Variants in ZSWIM5 observed in about 807,000 individuals in gnomAD.
The protein encoded by ZSWIM5 is zinc finger SWIM domain-containing protein 5.
ZSWIM5 carries 55 observed loss-of-function variants against 119.6 expected under a neutral mutation model. The observed-to-expected ratio is 0.46, with a 90% confidence interval of 0.37 to 0.58. The LOEUF (loss-of-function observed/expected upper bound fraction) is 0.58, where lower values mean the gene tolerates loss of function less well. Ranked by LOEUF, ZSWIM5 falls within the 20% of genes least tolerant of loss-of-function variation. The pLI is 0.00. For missense variants in ZSWIM5, 1,193 were observed against 1,512.8 expected (o/e 0.79, Z 3.51); for synonymous variants, 537 against 606.9 (o/e 0.88, Z 1.69).
At chr1:45,182,635 A>G (rs1443269166) in intron 1 of ZSWIM5, among the ~76,000 whole-genome samples, 2 of 152,154 alleles carry the variant, frequency 1.3e-5, no homozygotes, top group Non-Finnish European at 2.9e-5. Flanking sequence ...ACCAACAAAG[A>G]TCAAAAGAGA....
At position 45,206,238 on chromosome 1, in the gene ZSWIM5, C is replaced by A. The variant is rs538704614; in HGVS notation, c.113G>T (p.Gly38Val). Reference sequence around the variant, plus strand: ...GCCCCCTGCCCCTCCGCCGGCTGCCCCAGGCGAACCGCGAGGGTGATGAGC... The same window carrying A: ...GCCCCCTGCCCCTCCGCCGGCTGCCACAGGCGAACCGCGAGGGTGATGAGC... ...PQAHHPRGSP[G>V]AAGGGAGGVG... Residue 38 changes from glycine to valine, a missense_variant, in exon 1 of 14, where the codon GGG becomes GTG. Physicochemically the swap from Gly to Val is moderately radical, Grantham distance 109. Transcript: ENST00000359600. 7 of 1,584,276 alleles carry A rather than the reference C, an allele frequency of 4.4e-6. No individual in the cohort carries two copies. Among genetic ancestry groups the A allele is most frequent in the East Asian group, 4.6e-5 (2 of 43,406 alleles).
At chr1:45,180,827 CT>C (rs1455105730) in intron 1 of ZSWIM5, among the ~76,000 whole-genome samples, 8 of 152,130 alleles carry the variant, frequency 5.3e-5, no homozygotes, top group African/African-American at 1.9e-4. Flanking sequence ...CAAACAGGGT[CT>C]GGAGTGGACC....
chr1:45,040,182 T>A (rs1645010863), intron 7 of ZSWIM5, among the ~76,000 whole-genome samples: 1 of 152,216 alleles, frequency 6.6e-6, no homozygotes, highest in African/African-American at 2.4e-5. Flanking sequence ...CAGATCTTAA[T>A]GAGCCTTCTA....
chr1:45,202,219 T>C (rs1033438556), intron 1 of ZSWIM5, among the ~76,000 whole-genome samples: 1 of 152,084 alleles, frequency 6.6e-6, no homozygotes, highest in Non-Finnish European at 1.5e-5. Flanking sequence ...GTTTTTTCAA[T>C]GTAGATATCT....
At chr1:45,183,323 A>T (rs1169544923) in intron 1 of ZSWIM5, among the ~76,000 whole-genome samples, 1 of 151,896 alleles carries the variant, frequency 6.6e-6, no homozygotes, top group Non-Finnish European at 1.5e-5. Context: ...ACACCCTAAC[A>T]TCACAATTAA....
At chr1:45,121,468 T>C (rs528017337) in intron 1 of ZSWIM5, among the ~76,000 whole-genome samples, 3 of 152,334 alleles carry the variant, frequency 2.0e-5, no homozygotes, top group South Asian at 4.1e-4. Context: ...TCCAAACCCA[T>C]GTAACCAACT....
chr1:45,048,807 G>A (rs1412567236), intron 5 of ZSWIM5, among the ~76,000 whole-genome samples: 1 of 152,182 alleles, frequency 6.6e-6, no homozygotes, highest in African/African-American at 2.4e-5. Context: ...GGTCATCTAT[G>A]TGGCTACTGA....
intron 1 of ZSWIM5, among the ~76,000 whole-genome samples, chr1:45,096,883 G>A (rs1645406632): frequency 6.6e-6 from 1 of 152,140 alleles, no homozygotes; most frequent in Admixed American, 6.5e-5. Context: ...ATAAACACCT[G>A]CTATTATAAG....
At chr1:45,052,711 T>C (rs1645096308) in intron 4 of ZSWIM5, among the ~76,000 whole-genome samples, 1 of 148,556 alleles carries the variant, frequency 6.7e-6, no homozygotes, top group African/African-American at 2.5e-5. Context: ...AGGTGGAAGT[T>C]ACAGTGAGCC....
chr1:45,179,029 A>T (rs909093726), intron 1 of ZSWIM5, among the ~76,000 whole-genome samples: 1 of 152,142 alleles, frequency 6.6e-6, no homozygotes, highest in African/African-American at 2.4e-5. Flanking sequence ...ACAAACAATT[A>T]AAAAATGAAA....
chr1:45,152,670 A>ACAC (rs747368696), intron 1 of ZSWIM5, among the ~76,000 whole-genome samples: 65 of 152,134 alleles, frequency 4.3e-4, no homozygotes, highest in Admixed American at 1.1e-3. Context: ...AACCTAGAAA[A>ACAC]CACCATTCTG....
chr1:45,071,231 T>G (rs996000046), intron 2 of ZSWIM5, among the ~76,000 whole-genome samples: 3 of 152,118 alleles, frequency 2.0e-5, no homozygotes, highest in Non-Finnish European at 2.9e-5. Flanking sequence ...TAACTATGTT[T>G]TGTACACATT....
chr1:45,157,472 G>C (rs539374193), intron 1 of ZSWIM5, among the ~76,000 whole-genome samples: 1 of 152,230 alleles, frequency 6.6e-6, no homozygotes, highest in African/African-American at 2.4e-5. Flanking sequence ...ACCATGCCTG[G>C]CCAACGAATT....
intron 11 of ZSWIM5, among the ~76,000 whole-genome samples, chr1:45,024,111 T>A (rs796550453): frequency 3.3e-5 from 5 of 152,234 alleles, no homozygotes; most frequent in African/African-American, 1.2e-4. Context: ...TATAAGTCCT[T>A]TATCAGATTT....
intron 1 of ZSWIM5, among the ~76,000 whole-genome samples, chr1:45,131,996 A>G (rs918849789): frequency 2.0e-5 from 3 of 150,998 alleles, no homozygotes; most frequent in Non-Finnish European, 4.4e-5. Context: ...CTGAAACTTG[A>G]CGGATACTAA....
At chr1:45,196,014 A>G (rs1259867598) in intron 1 of ZSWIM5, among the ~76,000 whole-genome samples, 1 of 144,600 alleles carries the variant, frequency 6.9e-6, no homozygotes, top group Non-Finnish European at 1.5e-5. Flanking sequence ...ACTACAGGTG[A>G]GCACCGTTAC....
At chr1:45,074,988 G>A (rs1645247748) in intron 2 of ZSWIM5, among the ~76,000 whole-genome samples, 1 of 151,882 alleles carries the variant, frequency 6.6e-6, no homozygotes. Flanking sequence ...TCATCCAGGA[G>A]CATAATGTTT....
chr1:45,061,926 C>T (rs1645154140), intron 2 of ZSWIM5, among the ~76,000 whole-genome samples: 1 of 151,768 alleles, frequency 6.6e-6, no homozygotes, highest in Non-Finnish European at 1.5e-5. Context: ...CCCTCCTCTA[C>T]CAAAAGTACA....
At chr1:45,096,550 A>G (rs1393390921) in intron 1 of ZSWIM5, among the ~76,000 whole-genome samples, 2 of 144,902 alleles carry the variant, frequency 1.4e-5, no homozygotes, top group Admixed American at 1.3e-4. Flanking sequence ...ACACACACAC[A>G]CACGCACACA....
Sources: allele counts gnomAD v4.1 joint callset (sites outside exome capture counted in the v4.1 genomes callset), GRCh38; gene constraint gnomAD v4.1.1; transcripts MANE v1.5; gene names NCBI Gene and HGNC (gene_info 2026-07-23, HGNC 2026-07-21).